Variants in GARNL3 observed in about 807,000 individuals in gnomAD.
GARNL3 encodes the protein GTPase activating Rap/RanGAP domain like 3, also known as GTPase-activating Rap/Ran-GAP domain-like protein 3.
A neutral mutation model predicts 125.0 loss-of-function variants in GARNL3; 63 were observed. The observed-to-expected ratio is 0.50, with a 90% CI of 0.41 to 0.62. The LOEUF (loss-of-function observed/expected upper bound fraction) is 0.62. GARNL3 is among the 20% of genes least tolerant of loss of function. The probability of loss-of-function intolerance (pLI) is 0.00; values close to 1 mark genes in which losing one functional copy is unlikely to be tolerated. For synonymous variants in GARNL3, 439 were observed against 457.5 expected, an observed-to-expected ratio of 0.96 and a Z score of 0.52; for missense variants, 994 against 1,244.0, an observed-to-expected ratio of 0.80 and a Z score of 3.02.
rs896714194 is a variant in GARNL3, at chr9:127,291,158, T to C, written c.145-10T>C. The C allele has an allele frequency of 2.2e-5, 36 of 1,613,560 alleles. No homozygotes were observed. The highest frequency in any genetic ancestry group is 5.0e-5 in the Admixed American group (3 of 59,992). ...AAATGCTTCCTAATTGAATGCTTTT[T>C]CCCCCCTAGCTTATTTCCAGTGATG... is the stretch of plus-strand genomic sequence containing the variant. On this transcript the variant is annotated splice_polypyrimidine_tract_variant and intron_variant, in intron 1 of 27. Transcript: ENST00000373387.
chr9:127,255,834 C>T (rs187532226), intron 2 of GARNL3, among the ~76,000 whole-genome samples: 1 of 152,158 alleles, frequency 6.6e-6, no homozygotes, highest in Non-Finnish European at 1.5e-5. Context: ...AAAGACCACA[C>T]TGAGCAGCAG....
intron 12 of GARNL3, 142 bp from the exon 13 acceptor site, chr9:127,339,503 C>T: frequency 3.1e-6 from 2 of 635,842 alleles, no homozygotes; most frequent in Non-Finnish European, 5.7e-6. Flanking sequence ...AAGACTGGCC[C>T]CCATGATTCA....
chr9:127,376,157 A>T (rs1329475357), intron 22 of GARNL3, among the ~76,000 whole-genome samples: 1 of 152,086 alleles, frequency 6.6e-6, no homozygotes, highest in Non-Finnish European at 1.5e-5. Flanking sequence ...ACAGGGTTTC[A>T]CCATGTCAGC....
chr9:127,274,028 G>T (rs2063890731), intron 1 of GARNL3, among the ~76,000 whole-genome samples: 2 of 152,060 alleles, frequency 1.3e-5, no homozygotes, highest in African/African-American at 4.8e-5. Flanking sequence ...TATCCTTTAA[G>T]TAAGATATAT....
chr9:127,365,123 C>T, intron 21 of GARNL3, 177 bp from the exon 22 acceptor site: 1 of 565,140 alleles, frequency 1.8e-6, no homozygotes. Context: ...TTCTCACTTC[C>T]ATTGTATTAT....
chr9:127,298,711 A>G (rs368596557), intron 2 of GARNL3, among the ~76,000 whole-genome samples: 5 of 152,326 alleles, frequency 3.3e-5, no homozygotes, highest in Admixed American at 2.0e-4. Context: ...CAAACAGTAC[A>G]TGTGGTTTTA....
intron 7 of GARNL3, among the ~76,000 whole-genome samples, chr9:127,326,621 T>A (rs2065581347): frequency 6.6e-6 from 1 of 152,190 alleles, no homozygotes; most frequent in African/African-American, 2.4e-5. Flanking sequence ...ATAATACACC[T>A]ACTATGCACC....
rs2063668132 is a variant in GARNL3 at position 127,264,848 on chromosome 9, A to C, written c.-30A>C. On this transcript the variant is annotated 5_prime_UTR_variant, in exon 1 of 28. Transcript: ENST00000373387. ...CTGCAGTGAGGAGCCGGGGCACTGC[A>C]AGTCTGTTCCATAGCAGCCCTTTTT... The C allele has an allele frequency of 6.5e-7, 1 of 1,530,846 alleles. No individual in the cohort carries two copies. Among genetic ancestry groups the C allele is most frequent in the African/African-American group, 1.4e-5 (1 of 72,498 alleles). 94.8% of individuals were successfully genotyped at this position (1,530,846 alleles called of 1,614,324 possible). A position where few individuals can be genotyped will look rare whatever the true frequency, so the allele number is the denominator to read the frequency against.
intron 12 of GARNL3, among the ~76,000 whole-genome samples, chr9:127,339,094 G>A (rs1588886450): frequency 1.3e-5 from 2 of 151,940 alleles, no homozygotes; most frequent in South Asian, 2.1e-4. Context: ...TCAGGAGATC[G>A]AGACCATCCT....
intron 1 of GARNL3, among the ~76,000 whole-genome samples, chr9:127,284,029 A>G (rs7022770): frequency 0.03 from 4,522 of 152,252 alleles, 207 homozygotes; most frequent in African/African-American, 0.1. Context: ...GTCTCTTCTC[A>G]AAGGAAACTG....
intron 1 of GARNL3, among the ~76,000 whole-genome samples, chr9:127,224,926 C>T (rs1322078304): frequency 6.9e-5 from 1 of 14,400 alleles, no homozygotes; most frequent in Admixed American, 9.2e-4. Context: ...GTGGGCGGGG[C>T]GTGGGCGGGG....
At chr9:127,337,361 C>T (rs1430059600) in intron 11 of GARNL3, among the ~76,000 whole-genome samples, 1 of 152,084 alleles carries the variant, frequency 6.6e-6, no homozygotes, top group Non-Finnish European at 1.5e-5. Context: ...CTGAGTTATA[C>T]GTTTTAGATT....
intron 7 of GARNL3, among the ~76,000 whole-genome samples, chr9:127,330,383 G>T (rs781522957): frequency 6.6e-6 from 1 of 152,216 alleles, no homozygotes; most frequent in African/African-American, 2.4e-5. Flanking sequence ...TCAAATGCTA[G>T]TTTGTAAGGA....
In GARNL3 at chr9:127,242,946, T is replaced by C. The variant is rs900141478; in HGVS notation, c.-28-133T>C. On this transcript the variant is annotated intron_variant, in intron 1 of 10. Coordinates refer to the GARNL3 transcript ENST00000439286. This position sits in a 1 kb window ranked among gnomAD's most constrained non-coding sequence, Gnocchi z 4.6. Reference sequence around the variant, plus strand: ...CGGTCTTGGTGGGGCCCCTGGGTCTTGAGGGTGCTTCAGTGTCACCCTCCT... The same window carrying C: ...CGGTCTTGGTGGGGCCCCTGGGTCTCGAGGGTGCTTCAGTGTCACCCTCCT... The C allele has an allele frequency of 3.0e-6, 2 of 672,282 alleles. No homozygotes were observed. The highest frequency in any genetic ancestry group is 4.3e-6 in the Non-Finnish European group (2 of 465,378). 41.6% of individuals were successfully genotyped at this position (672,282 alleles called of 1,614,324 possible).
chr9:127,337,424 A>T lies in GARNL3; in HGVS notation c.983-692A>T, dbSNP rs990427294. ...AGGGGCAAGCAGATCATTAAGGCAGATTCATTCCAGGGAGCCTAGAAATGG... is the reference window on the plus strand; with the variant it reads ...AGGGGCAAGCAGATCATTAAGGCAGTTTCATTCCAGGGAGCCTAGAAATGG... On this transcript the variant is annotated intron_variant, in intron 11 of 27. Transcript: ENST00000373387. Among the ~76,000 whole-genome samples, 10 of 152,298 alleles carry T rather than the reference A, an allele frequency of 6.6e-5. No individual in the cohort carries two copies. The South Asian group carries it at 2.1e-3, about 32-fold the overall frequency.
intron 2 of GARNL3, among the ~76,000 whole-genome samples, chr9:127,256,561 G>A (rs577119120): frequency 2.0e-5 from 3 of 152,324 alleles, no homozygotes; most frequent in African/African-American, 7.2e-5. Flanking sequence ...AGCAGGGACC[G>A]CATATCTCAG....
At chr9:127,319,748 G>A (rs1042855761) in intron 5 of GARNL3, among the ~76,000 whole-genome samples, 45 of 152,206 alleles carry the variant, frequency 3.0e-4, no homozygotes, top group African/African-American at 1.1e-3. Flanking sequence ...ACTGGTTTAA[G>A]ATTTCTGTGA....
chr9:127,385,004 G>C lies in GARNL3; in HGVS notation c.2270-23G>C. 6.7e-7 allele frequency: 1 copy of C among 1,493,960 alleles called. No individual in the cohort carries two copies. Among genetic ancestry groups the C allele is most frequent in the Non-Finnish European group, 9.3e-7 (1 of 1,080,038 alleles). 92.5% of individuals were successfully genotyped at this position (1,493,960 alleles called of 1,614,324 possible). On this transcript the variant is annotated intron_variant, in intron 23 of 27. Transcript: ENST00000373387. This position sits in a 1 kb window ranked among gnomAD's most constrained non-coding sequence, Gnocchi z 4.1. ...CGGCCACCAAGCCAGCAGCTGGGAG[G>C]TGACACTCCCGTTCCCTTGCAGTCT... is the stretch of plus-strand genomic sequence containing the variant.
intron 1 of GARNL3, among the ~76,000 whole-genome samples, chr9:127,237,693 A>G (rs543267267): frequency 7.0e-4 from 107 of 152,320 alleles, no homozygotes; most frequent in Admixed American, 1.9e-3. Context: ...GAACCACCTT[A>G]TTGGGTGAAG....
Sources: gnomAD v4.1 joint callset for allele counts (sites outside exome capture counted in the v4.1 genomes callset) on GRCh38, gnomAD v4.1.1 for gene constraint, Gnocchi (gnomAD v3.1) non-coding constraint, MANE v1.5 for transcripts, NCBI Gene and HGNC (gene_info 2026-07-23, HGNC 2026-07-21) for gene names.